SUPT3H: variants seen among roughly 807,000 people sequenced by gnomAD.
The protein encoded by SUPT3H is transcription initiation protein SPT3 homolog.
Under a neutral mutation model 44.3 loss-of-function variants are expected in SUPT3H, and 44 were observed. The observed-to-expected ratio is 0.99, with a 90% CI of 0.78 to 1.28. The LOEUF (loss-of-function observed/expected upper bound fraction) is 1.28, where lower values mean the gene tolerates loss of function less well. Among genes scored for constraint, SUPT3H ranks in the 50% most tolerant of loss-of-function variants. The pLI, the probability that SUPT3H is intolerant of heterozygous loss-of-function variation, is 0.00. For synonymous variants in SUPT3H, 124 were observed against 125.6 expected, an observed-to-expected ratio of 0.99 and a Z score of 0.09; for missense variants, 380 against 387.1, an observed-to-expected ratio of 0.98 and a Z score of 0.15.
intron 6 of SUPT3H, among the ~76,000 whole-genome samples, chr6:44,984,539 T>C (rs1256975343): frequency 1.3e-5 from 2 of 152,134 alleles, no homozygotes; most frequent in African/African-American, 4.8e-5. Context: ...ACATGTCAAA[T>C]AGAGTATAAG....
At chr6:45,037,618 C>T (rs762689989) in intron 3 of SUPT3H, among the ~76,000 whole-genome samples, 10 of 151,606 alleles carry the variant, frequency 6.6e-5, no homozygotes, top group Admixed American at 1.3e-4. Context: ...GAGCTGAGAT[C>T]ATGCCACTGC....
At chr6:45,038,149 A>G (rs2153528246) in intron 3 of SUPT3H, among the ~76,000 whole-genome samples, 1 of 152,264 alleles carries the variant, frequency 6.6e-6, no homozygotes, top group South Asian at 2.1e-4. Context: ...AAAGAATAAA[A>G]ACACCCTAAA....
intron 7 of SUPT3H, among the ~76,000 whole-genome samples, chr6:44,956,485 AAAAAAAAAAAATAAAAAT>A (rs1562131263): frequency 0.39 from 3,137 of 7,996 alleles, 635 homozygotes; most frequent in African/African-American, 0.53. Context: ...AAAAAAAAAT[AAAAAAAAAAAATAAAAAT>A]AAAAAAAAAA....
At chr6:45,261,570 A>T (rs10948219) in intron 2 of SUPT3H, among the ~76,000 whole-genome samples, 34,502 of 152,012 alleles carry the variant, frequency 0.23, 4,593 homozygotes, top group Non-Finnish European at 0.31. Context: ...GCATCAAAGG[A>T]ACATACCTCA....
chr6:45,001,276 T>C (rs555834028), intron 6 of SUPT3H, among the ~76,000 whole-genome samples: 1 of 152,178 alleles, frequency 6.6e-6, no homozygotes, highest in Admixed American at 6.6e-5. Flanking sequence ...CTAAAGCAAC[T>C]CTGAGCATTA....
chr6:45,350,286 A>T (rs1791751642), intron 2 of SUPT3H, among the ~76,000 whole-genome samples: 3 of 152,230 alleles, frequency 2.0e-5, no homozygotes, highest in Admixed American at 6.5e-5. Flanking sequence ...ATAAACAAAA[A>T]ACATTTGTAT....
chr6:44,985,695 C>T (rs1455782567), intron 6 of SUPT3H, among the ~76,000 whole-genome samples: 3 of 152,168 alleles, frequency 2.0e-5, no homozygotes, highest in Non-Finnish European at 2.9e-5. Flanking sequence ...CATATTTTCA[C>T]TTTATTTCTG....
At chr6:44,847,489 A>ATTT (rs201785834) in intron 10 of SUPT3H, among the ~76,000 whole-genome samples, 2 of 143,708 alleles carry the variant, frequency 1.4e-5, no homozygotes, top group Admixed American at 7.0e-5. Flanking sequence ...TTATGGGAAG[A>ATTT]TTTTTTTTTT....
chr6:45,298,804 A>G (rs766921237), intron 2 of SUPT3H, among the ~76,000 whole-genome samples: 1 of 152,170 alleles, frequency 6.6e-6, no homozygotes, highest in Non-Finnish European at 1.5e-5. Flanking sequence ...TCTAGAATAT[A>G]GGAAACCTTT....
chr6:45,257,305 T>G (rs975787750), intron 2 of SUPT3H, among the ~76,000 whole-genome samples: 1 of 152,194 alleles, frequency 6.6e-6, no homozygotes, highest in South Asian at 2.1e-4. Flanking sequence ...ACAAACCTAC[T>G]AAGGGAAATG....
At chr6:45,172,019 A>G (rs547177246) in intron 2 of SUPT3H, among the ~76,000 whole-genome samples, 2 of 141,792 alleles carry the variant, frequency 1.4e-5, no homozygotes, top group South Asian at 2.3e-4. Flanking sequence ...CCTGGCCTCC[A>G]CTCACTTTTT....
chr6:45,098,984 G>A, intron 3 of SUPT3H: 1 of 413,694 alleles, frequency 2.4e-6, no homozygotes, highest in East Asian at 7.1e-5. Context: ...TCCAGCTACA[G>A]CCTATTCCAG....
chr6:45,012,647 T>TG (rs1205810296), intron 5 of SUPT3H, among the ~76,000 whole-genome samples: 1 of 152,110 alleles, frequency 6.6e-6, no homozygotes, highest in East Asian at 1.9e-4. Context: ...GTCCTACATC[T>TG]GGGCCCCCAA....
chr6:45,315,091 G>A (rs1332783644), intron 2 of SUPT3H, among the ~76,000 whole-genome samples: 1 of 151,996 alleles, frequency 6.6e-6, no homozygotes, highest in Non-Finnish European at 1.5e-5. Context: ...CCACATGTAG[G>A]AGAATGAAAC....
chr6:44,816,633 A>T (rs897171408), intron 11 of SUPT3H, among the ~76,000 whole-genome samples: 10 of 152,226 alleles, frequency 6.6e-5, no homozygotes, highest in African/African-American at 2.4e-4. Flanking sequence ...AGCAGGCCCA[A>T]ACTCATTTTA....
downstream of SUPT3H, among the ~76,000 whole-genome samples, chr6:44,823,311 A>G (rs150549695): frequency 1.2e-3 from 176 of 152,260 alleles, no homozygotes; most frequent in African/African-American, 4.0e-3. Context: ...GTTCAGAGGA[A>G]GCAAAGGGTG....
chr6:45,138,264 G>A (rs1804630557), intron 2 of SUPT3H, among the ~76,000 whole-genome samples: 1 of 152,136 alleles, frequency 6.6e-6, no homozygotes. Context: ...AATGTAAAAT[G>A]ATATAGCTAT....
chr6:45,172,595 T>A (rs1924662), intron 2 of SUPT3H, among the ~76,000 whole-genome samples: 64 of 346 alleles, frequency 0.18, no homozygotes, highest in Middle Eastern at 0.5. Flanking sequence ...ATAGATATAT[T>A]TTTTTTTTTT....
At chr6:45,370,151 C>T (rs148554404) in intron 1 of SUPT3H, among the ~76,000 whole-genome samples, 3 of 152,118 alleles carry the variant, frequency 2.0e-5, no homozygotes, top group Admixed American at 6.6e-5. Context: ...TCAAGAAGAC[C>T]AGTTAGGAAG....
Sources: allele counts gnomAD v4.1 joint callset (sites outside exome capture counted in the v4.1 genomes callset), GRCh38; gene constraint gnomAD v4.1.1; transcripts MANE v1.5; gene names NCBI Gene and HGNC (gene_info 2026-07-23, HGNC 2026-07-21).